RBM6: variants seen among roughly 807,000 people sequenced by gnomAD.
RBM6 encodes the protein RNA binding motif protein 6.
Under a neutral mutation model 140.4 loss-of-function variants are expected in RBM6, and 23 were observed. The ratio of observed to expected loss-of-function variants is 0.16; its 90% CI spans 0.12 to 0.23. RBM6 has a LOEUF of 0.23. Among genes scored for constraint, RBM6 ranks in the 10% least tolerant of loss-of-function variants. The pLI, the probability that RBM6 is intolerant of heterozygous loss-of-function variation, is 1.00. For synonymous variants in RBM6, 439 were observed against 475.6 expected, an observed-to-expected ratio of 0.92 and a Z score of 1.00; for missense variants, 1,139 against 1,386.7, an observed-to-expected ratio of 0.82 and a Z score of 2.84.
rs752504578 is a variant in RBM6, at chr3:49,967,890, C to T, written c.465C>T (p.Tyr155=). 5 of 1,613,976 alleles carry T rather than the reference C, an allele frequency of 3.1e-6. No individual in the cohort carries two copies. The highest frequency in any genetic ancestry group is 1.3e-5 in the African/African-American group (1 of 74,906). ...YRGREAPHMN[Y]RDRDAHAVDF... is the part of the protein sequence containing the mutation. ...GTAGGGAGGCACCTCATATGAACTA[C>T]AGAGACAGGGATGCTCACGCTGTTG... is the stretch of plus-strand genomic sequence containing the variant. The change falls in exon 3 of 21, where the codon TAC becomes TAT. Residue 155 remains tyrosine (Y), a synonymous_variant. Coordinates refer to ENST00000266022, the MANE Select transcript of RBM6 (RefSeq NM_005777.3). The surrounding 1 kb of genome is among the most constrained non-coding windows in gnomAD (Gnocchi z 4.0).
chr3:49,949,756 G>T (rs1217206562), intron 1 of RBM6, among the ~76,000 whole-genome samples: 1 of 151,742 alleles, frequency 6.6e-6, no homozygotes, highest in Non-Finnish European at 1.5e-5. Flanking sequence ...CTCGTGATCC[G>T]CCCGCCTCCC....
At chr3:49,974,673 ATTTTTTTTTTTTTT>A (rs55872898) in intron 4 of RBM6, among the ~76,000 whole-genome samples, 3 of 72,466 alleles carry the variant, frequency 4.1e-5, no homozygotes, top group African/African-American at 6.5e-5. Flanking sequence ...TGCCCGGCCA[ATTTTTTTTTTTTTT>A]TTTTTTTTTT....
rs1240706452 is a variant in RBM6, at chr3:50,057,618, A to G, written c.1694-110A>G. ...AAAAAAAAAAAAAAAAAGGCATTCC[A>G]GTATGAGTATTTGCTGGCAGGTAAG... On this transcript the variant is annotated intron_variant, in intron 8 of 20. Coordinates refer to ENST00000266022, the MANE Select transcript of RBM6 (RefSeq NM_005777.3). 82 of 638,700 alleles carry G rather than the reference A, an allele frequency of 1.3e-4. 1 individual carries two copies. In the East Asian group the frequency reaches 2.5e-3, roughly 20 times the overall value. The allele number at this position is 638,700 out of a possible 1,614,324, so 39.6% of individuals were successfully genotyped here. A position where few individuals can be genotyped will look rare whatever the true frequency, so the allele number is the denominator to read the frequency against.
At chr3:50,031,711 C>A (rs930647077) in intron 6 of RBM6, among the ~76,000 whole-genome samples, 2 of 151,654 alleles carry the variant, frequency 1.3e-5, no homozygotes, top group African/African-American at 4.8e-5. Flanking sequence ...CACCATGTAC[C>A]CTAGAACTTA....
chr3:50,046,079 G>A (rs541286202), intron 6 of RBM6, among the ~76,000 whole-genome samples: 17 of 151,478 alleles, frequency 1.1e-4, no homozygotes, highest in East Asian at 5.9e-4. Flanking sequence ...TCAGGAGTTC[G>A]AGACCAGCCT....
intron 6 of RBM6, among the ~76,000 whole-genome samples, chr3:50,044,157 C>T (rs965817957): frequency 1.3e-5 from 2 of 152,018 alleles, no homozygotes; most frequent in African/African-American, 2.4e-5. Context: ...GGATTACAGG[C>T]GTGAGCCACC....
intron 6 of RBM6, among the ~76,000 whole-genome samples, chr3:50,016,111 G>A (rs975302780): frequency 2.0e-5 from 3 of 152,156 alleles, no homozygotes; most frequent in East Asian, 1.9e-4. Flanking sequence ...CTCCACCCAC[G>A]GCCTCTGGTA....
chr3:50,060,739 G>A (rs1179679968), intron 11 of RBM6: 3 of 256,398 alleles, frequency 1.2e-5, no homozygotes, highest in Non-Finnish European at 1.9e-5. Flanking sequence ...GGGCGACAGA[G>A]CAAGACTCCG....
intron 7 of RBM6, among the ~76,000 whole-genome samples, chr3:50,052,784 G>A (rs888560656): frequency 4.6e-5 from 7 of 152,178 alleles, no homozygotes; most frequent in Non-Finnish European, 7.3e-5. Flanking sequence ...TCAATATGGG[G>A]CAGTGTCCCT....
chr3:49,944,045 T>C (rs2083391176), intron 1 of RBM6, among the ~76,000 whole-genome samples: 3 of 152,270 alleles, frequency 2.0e-5, no homozygotes, highest in Admixed American at 1.3e-4. Flanking sequence ...GTGTGCTACT[T>C]AGTAGTAGTA....
At chr3:50,028,373 T>C (rs1363019491) in intron 6 of RBM6, among the ~76,000 whole-genome samples, 1 of 152,204 alleles carries the variant, frequency 6.6e-6, no homozygotes, top group African/African-American at 2.4e-5. Flanking sequence ...CAATGCAGGA[T>C]ATGTTGGGTT....
At chr3:50,022,617 A>G (rs912989605) in intron 6 of RBM6, among the ~76,000 whole-genome samples, 1 of 151,992 alleles carries the variant, frequency 6.6e-6, no homozygotes, top group Admixed American at 6.6e-5. Context: ...GGCGTGAGCC[A>G]CCGCACCTGA....
chr3:49,949,449 G>T (rs368329711), intron 1 of RBM6, among the ~76,000 whole-genome samples: 1 of 152,080 alleles, frequency 6.6e-6, no homozygotes, highest in South Asian at 2.1e-4. Flanking sequence ...CTGGAGTGCA[G>T]TGGTGTGATC....
At chr3:50,034,165 G>A (rs2088363709) in intron 6 of RBM6, among the ~76,000 whole-genome samples, 1 of 139,398 alleles carries the variant, frequency 7.2e-6, no homozygotes, top group South Asian at 2.4e-4. Flanking sequence ...TGTGTTTTTA[G>A]TAGAGACAAG....
chr3:49,994,043 C>T (rs188263718), intron 5 of RBM6, among the ~76,000 whole-genome samples: 32 of 152,228 alleles, frequency 2.1e-4, no homozygotes, highest in African/African-American at 5.5e-4. Context: ...TCCTAATTTT[C>T]GTAATTCGAG....
intron 8 of RBM6, among the ~76,000 whole-genome samples, chr3:50,057,333 TC>T (rs2089743393): frequency 6.6e-6 from 1 of 152,134 alleles, no homozygotes; most frequent in African/African-American, 2.4e-5. Flanking sequence ...ACACCTGTAA[TC>T]CCAGCACTCT....
chr3:49,967,725 T>G lies in RBM6; in HGVS notation c.300T>G (p.Phe100Leu). Residue 100 changes from phenylalanine to leucine, a missense_variant, in exon 3 of 21, where the codon TTT (phenylalanine) becomes TTG (leucine). Phe to Leu is a conservative substitution (Grantham distance 22). This residue lies in a region of RBM6 where 566 missense variants were observed against 612.7 expected (regional missense o/e 0.92). Coordinates refer to ENST00000266022, the MANE Select transcript of RBM6 (RefSeq NM_005777.3). This position sits in a 1 kb window ranked among gnomAD's most constrained non-coding sequence, Gnocchi z 4.0. ...GPGHDFRGGD[F>L]SSSDFQSRDS... Reference sequence around the variant, plus strand: ...GACATGATTTCAGGGGGGGAGATTTTTCGTCTTCTGATTTCCAGAGCAGAG... The same window carrying G: ...GACATGATTTCAGGGGGGGAGATTTGTCGTCTTCTGATTTCCAGAGCAGAG... 6.2e-7 allele frequency: 1 copy of G among 1,614,126 alleles called. No homozygotes were observed. Among genetic ancestry groups the G allele is most frequent in the African/African-American group, 1.3e-5 (1 of 75,020 alleles).
chr3:50,047,025 C>A (rs1211029326), intron 6 of RBM6: 2 of 275,058 alleles, frequency 7.3e-6, no homozygotes, highest in Non-Finnish European at 1.1e-5. Context: ...TTGTCCTTAG[C>A]CTTGAGAACA....
chr3:49,962,080 C>T (rs1195648118), intron 1 of RBM6, among the ~76,000 whole-genome samples: 1 of 150,708 alleles, frequency 6.6e-6, no homozygotes, highest in Non-Finnish European at 1.5e-5. Flanking sequence ...TGCTTGAACC[C>T]GGAGGTTGCA....
Sources: allele counts gnomAD v4.1 joint callset (sites outside exome capture counted in the v4.1 genomes callset), GRCh38; gene constraint gnomAD v4.1.1; regional missense constraint gnomAD v4.1.1; non-coding constraint Gnocchi (gnomAD v3.1); transcripts MANE v1.5; gene names NCBI Gene and HGNC (gene_info 2026-07-23, HGNC 2026-07-21).